Variants in FHIT observed in about 807,000 individuals in gnomAD.
FHIT encodes bis(5'-adenosyl)-triphosphatase.
In FHIT, 19 loss-of-function variants were observed where a neutral mutation model predicts 17.9. The ratio of observed to expected loss-of-function variants is 1.06; its 90% CI spans 0.74 to 1.56. The LOEUF is 1.56. Ranked by LOEUF, FHIT falls within the 40% of genes most tolerant of loss-of-function variation. The pLI is 0.00. For missense variants in FHIT, 248 were observed against 189.2 expected, an observed-to-expected ratio of 1.31 and a Z score of -1.82; for synonymous variants, 81 against 69.7, an observed-to-expected ratio of 1.16 and a Z score of -0.81.
chr3:61,183,061 G>A (rs2038391297), intron 2 of FHIT, among the ~76,000 whole-genome samples: 1 of 152,130 alleles, frequency 6.6e-6, no homozygotes, highest in Admixed American at 6.5e-5. Flanking sequence ...ATACTAACTG[G>A]GATTCCCAAT....
rs186487787 is a variant in FHIT, at chr3:60,584,158, T to C, written c.-17-47179A>G. Among the ~76,000 whole-genome samples the C allele has an allele frequency of 1.8e-3, 276 of 152,174 alleles. 3 individuals are homozygous for C. Among genetic ancestry groups the C allele is most frequent in the African/African-American group, 6.2e-3 (258 of 41,562 alleles). ...GCTAGAGCCATCTCCTATCAGCTCA[T>C]AGAAGAACTCATTATATTTTTCAGC... is the stretch of plus-strand genomic sequence containing the variant. On this transcript the variant is annotated intron_variant, in intron 4 of 9. Transcript: ENST00000492590.
chr3:61,042,473 CAG>C (rs1454971922), intron 2 of FHIT, among the ~76,000 whole-genome samples: 1 of 152,094 alleles, frequency 6.6e-6, no homozygotes, highest in East Asian at 1.9e-4. Context: ...ATTTTTAAAA[CAG>C]AATATGGGTA....
intron 4 of FHIT, among the ~76,000 whole-genome samples, chr3:60,754,983 A>G (rs2042544401): frequency 6.6e-6 from 1 of 152,222 alleles, no homozygotes; most frequent in Admixed American, 6.5e-5. Context: ...TTTATTAGAA[A>G]AAAGGAAATC....
chr3:60,719,829 C>G (rs60495246), intron 4 of FHIT, among the ~76,000 whole-genome samples: 1 of 152,116 alleles, frequency 6.6e-6, no homozygotes, highest in African/African-American at 2.4e-5. Flanking sequence ...CTAAGGTCCA[C>G]GCAAATATCC....
chr3:61,083,041 T>C (rs2035191182), intron 2 of FHIT, among the ~76,000 whole-genome samples: 1 of 152,220 alleles, frequency 6.6e-6, no homozygotes, highest in African/African-American at 2.4e-5. Context: ...ATATTGTAAT[T>C]ATCATCTCCC....
At chr3:60,033,727 T>A (rs538319117) in intron 5 of FHIT, among the ~76,000 whole-genome samples, 1 of 152,320 alleles carries the variant, frequency 6.6e-6, no homozygotes, top group East Asian at 1.9e-4. Flanking sequence ...AAACAGGCCA[T>A]CCTTTGTATT....
chr3:60,008,138 T>A (rs1699996280), intron 7 of FHIT, among the ~76,000 whole-genome samples: 1 of 152,038 alleles, frequency 6.6e-6, no homozygotes, highest in Non-Finnish European at 1.5e-5. Flanking sequence ...CAATGAAGAA[T>A]GCCTCGAGAG....
At chr3:60,125,985 G>A (rs534207364) in intron 5 of FHIT, among the ~76,000 whole-genome samples, 3 of 152,242 alleles carry the variant, frequency 2.0e-5, no homozygotes, top group South Asian at 2.1e-4. Context: ...GTTCTGTGCT[G>A]CAGAAGGCTG....
At chr3:60,031,653 A>G (rs1400737259) in intron 5 of FHIT, among the ~76,000 whole-genome samples, 1 of 152,234 alleles carries the variant, frequency 6.6e-6, no homozygotes, top group East Asian at 1.9e-4. Flanking sequence ...TTCTAGCATT[A>G]AAAGCAAAAG....
At chr3:60,094,813 GAGAGA>G (rs1430823164) in intron 5 of FHIT, among the ~76,000 whole-genome samples, 6 of 91,722 alleles carry the variant, frequency 6.5e-5, no homozygotes, top group Middle Eastern at 4.9e-3. Context: ...GAGAGAGAGA[GAGAGA>G]AGAAGAGAGA....
chr3:60,359,076 G>A (rs1025831684), intron 5 of FHIT, among the ~76,000 whole-genome samples: 1 of 152,006 alleles, frequency 6.6e-6, no homozygotes, highest in African/African-American at 2.4e-5. Context: ...AATACAGCAG[G>A]TATTCCAGAA....
intron 3 of FHIT, among the ~76,000 whole-genome samples, chr3:60,891,538 A>C (rs1553760695): frequency 6.6e-6 from 1 of 152,214 alleles, no homozygotes; most frequent in Non-Finnish European, 1.5e-5. Context: ...AACCCTAAGA[A>C]CAAACAATGC....
At chr3:60,055,783 T>A (rs1559589246) in intron 5 of FHIT, among the ~76,000 whole-genome samples, 1 of 152,130 alleles carries the variant, frequency 6.6e-6, no homozygotes, top group Non-Finnish European at 1.5e-5. Flanking sequence ...AACTAGCACT[T>A]AGAGGAACGG....
chr3:60,518,004 G>T (rs1359355245), intron 5 of FHIT, among the ~76,000 whole-genome samples: 1 of 152,142 alleles, frequency 6.6e-6, no homozygotes, highest in African/African-American at 2.4e-5. Context: ...GAAGTTCCAT[G>T]AACTTGTTGG....
intron 5 of FHIT, among the ~76,000 whole-genome samples, chr3:60,513,252 A>C (rs2035016777): frequency 6.6e-6 from 1 of 152,210 alleles, no homozygotes; most frequent in Non-Finnish European, 1.5e-5. Flanking sequence ...GTGATCACTG[A>C]ACTGTTCTTT....
At chr3:61,130,241 G>A (rs551849879) in intron 2 of FHIT, among the ~76,000 whole-genome samples, 1 of 152,196 alleles carries the variant, frequency 6.6e-6, no homozygotes, top group African/African-American at 2.4e-5. Context: ...AGAATGTCCA[G>A]GGAAAACTTC....
intron 4 of FHIT, among the ~76,000 whole-genome samples, chr3:60,795,994 A>T (rs1211285607): frequency 2.6e-5 from 4 of 152,206 alleles, no homozygotes; most frequent in Non-Finnish European, 5.9e-5. Context: ...AGGCCTCAGA[A>T]TCATGGCGGG....
chr3:60,207,627 G>A (rs964441831), intron 5 of FHIT, among the ~76,000 whole-genome samples: 10 of 152,072 alleles, frequency 6.6e-5, no homozygotes, highest in Admixed American at 4.6e-4. Context: ...TGAGAACAAC[G>A]TATGTGACTA....
chr3:60,428,779 C>T (rs562647259), intron 5 of FHIT, among the ~76,000 whole-genome samples: 4 of 152,248 alleles, frequency 2.6e-5, no homozygotes, highest in African/African-American at 7.2e-5. Context: ...AATGTCATCA[C>T]TGAGATCTGA....
Sources: allele counts gnomAD v4.1 joint callset (sites outside exome capture counted in the v4.1 genomes callset), GRCh38; gene constraint gnomAD v4.1.1; transcripts MANE v1.5; gene names NCBI Gene and HGNC (gene_info 2026-07-23, HGNC 2026-07-21).